The following ZNF106 variants were observed in gnomAD, a reference collection of about 807,000 sequenced individuals.
ZNF106 encodes zinc finger protein 106.
Under a neutral mutation model 195.1 loss-of-function variants are expected in ZNF106, and 67 were observed. The observed-to-expected ratio is 0.34, with a 90% confidence interval of 0.28 to 0.42. ZNF106 has a LOEUF of 0.42. Ranked by LOEUF, ZNF106 falls within the 10% of genes least tolerant of loss-of-function variation. The probability of loss-of-function intolerance (pLI) is 1.00; values close to 1 mark genes in which losing one functional copy is unlikely to be tolerated. For missense variants in ZNF106, 2,118 were observed against 2,304.5 expected, an observed-to-expected ratio of 0.92 and a Z score of 1.66; for synonymous variants, 784 against 818.6, an observed-to-expected ratio of 0.96 and a Z score of 0.72.
chr15:42,465,485 C>T, intron 3 of ZNF106, among the ~76,000 whole-genome samples: 1 of 151,970 alleles, frequency 6.6e-6, no homozygotes, highest in East Asian at 1.9e-4. Context: ...CTACGTTGCC[C>T]AGGCTGGTCT....
chr15:42,482,886 A>G (rs1595500202), intron 1 of ZNF106, among the ~76,000 whole-genome samples: 2 of 152,126 alleles, frequency 1.3e-5, no homozygotes, highest in East Asian at 3.9e-4. Context: ...CCACATATGC[A>G]TAATTCAGCA....
chr15:42,464,649 G>A (rs2056472829), intron 3 of ZNF106, among the ~76,000 whole-genome samples: 1 of 150,722 alleles, frequency 6.6e-6, no homozygotes, highest in South Asian at 2.1e-4. Flanking sequence ...ACCTCAGGCT[G>A]ATGAGTAGCT....
At chr15:42,453,545 A>G (rs1487385118) in intron 4 of ZNF106, among the ~76,000 whole-genome samples, 1 of 152,144 alleles carries the variant, frequency 6.6e-6, no homozygotes, top group Non-Finnish European at 1.5e-5. Flanking sequence ...ATTTAATGCT[A>G]AGCACCTTAT....
intron 10 of ZNF106, among the ~76,000 whole-genome samples, chr15:42,441,142 C>A (rs1478643719): frequency 7.4e-6 from 1 of 135,694 alleles, no homozygotes; most frequent in African/African-American, 2.7e-5. Context: ...CAAGACCAGC[C>A]TGGGCAACAT....
intron 10 of ZNF106, 93 bp downstream of exon 10, chr15:42,441,980 G>GT (rs753867155): frequency 4.1e-6 from 4 of 985,806 alleles, no homozygotes; most frequent in Non-Finnish European, 6.0e-6. Context: ...GCTCATTTTA[G>GT]TTTTAATGAG....
chr15:42,447,454 CTT>C (rs1298465114), intron 6 of ZNF106, among the ~76,000 whole-genome samples: 1 of 152,130 alleles, frequency 6.6e-6, no homozygotes, highest in Non-Finnish European at 1.5e-5. Context: ...ACCAGCAACT[CTT>C]TCTTTTCAGA....
At chr15:42,479,837 G>A (rs1481515809) in intron 1 of ZNF106, among the ~76,000 whole-genome samples, 7 of 152,002 alleles carry the variant, frequency 4.6e-5, no homozygotes, top group Admixed American at 6.6e-5. Context: ...GCAAAACTCC[G>A]TCTCAATAAA....
rs1045924605 is a variant in ZNF106, at chr15:42,432,386, C to G, written c.4881+2998G>C. Among the ~76,000 whole-genome samples, 5 of 151,700 alleles carry G rather than the reference C, an allele frequency of 3.3e-5. No individual in the cohort carries two copies. In the East Asian group the frequency reaches 9.7e-4, roughly 30 times the overall value. On this transcript the variant is annotated intron_variant, in intron 14 of 21. Coordinates refer to ENST00000564754, the MANE Select transcript of ZNF106 (RefSeq NM_001366845.3). ...GTTACCGAGGCTGGTCTGGAACTTA[C>G]AGTCTCAAGTGATCCTCCCACCTCA... is the stretch of plus-strand genomic sequence containing the variant.
At chr15:42,423,157 C>A (rs1484974933) in intron 17 of ZNF106, among the ~76,000 whole-genome samples, 1 of 151,872 alleles carries the variant, frequency 6.6e-6, no homozygotes, top group Non-Finnish European at 1.5e-5. Context: ...TACTTGAGCT[C>A]AGGAGTTCAA....
At chr15:42,480,846 G>A (rs907664625) in intron 1 of ZNF106, among the ~76,000 whole-genome samples, 4 of 152,024 alleles carry the variant, frequency 2.6e-5, no homozygotes, top group African/African-American at 9.7e-5. Context: ...TTAGCTGGGC[G>A]TGGTGGCAGG....
At chr15:42,482,522 G>T (rs1459110131) in intron 1 of ZNF106, among the ~76,000 whole-genome samples, 26 of 82,532 alleles carry the variant, frequency 3.2e-4, no homozygotes, top group East Asian at 5.9e-4. Flanking sequence ...GAAATCTCCA[G>T]TTTTTTTTTT....
intron 7 of ZNF106, among the ~76,000 whole-genome samples, chr15:42,445,295 C>T (rs540812053): frequency 2.0e-4 from 31 of 152,286 alleles, no homozygotes; most frequent in Admixed American, 1.5e-3. Context: ...TTCTAGGACT[C>T]GTTTCCCATT....
At chr15:42,452,484 T>C (rs1419477415) in intron 4 of ZNF106, among the ~76,000 whole-genome samples, 2 of 151,738 alleles carry the variant, frequency 1.3e-5, no homozygotes, top group Non-Finnish European at 2.9e-5. Context: ...GATTATGCCA[T>C]TACACTCCAG....
intron 4 of ZNF106, among the ~76,000 whole-genome samples, chr15:42,455,064 T>C (rs147787415): frequency 1.1e-3 from 174 of 152,248 alleles, no homozygotes; most frequent in African/African-American, 3.9e-3. Context: ...AAGAACAAAA[T>C]AGAAGTCTCC....
chr15:42,436,497 C>G (rs189931922), intron 13 of ZNF106, among the ~76,000 whole-genome samples: 1 of 152,270 alleles, frequency 6.6e-6, no homozygotes, highest in East Asian at 1.9e-4. Flanking sequence ...CCTGGTCCAT[C>G]ATCTAACTTT....
rs1193363577 is a variant in ZNF106, at chr15:42,414,732, C to T, written c.*2572G>A. On this transcript the variant is annotated 3_prime_UTR_variant, in exon 22 of 22. Coordinates refer to ENST00000564754, the MANE Select transcript of ZNF106 (RefSeq NM_001366845.3). ...CAGGCAGGGCAGAAGGGCACTACGC[C>T]GCAGAGCATTCGAGGCTCTCAGCAC... is the stretch of plus-strand genomic sequence containing the variant. 3 of 152,240 alleles carry T rather than the reference C, an allele frequency of 2.0e-5. No individual in the cohort carries two copies. Among genetic ancestry groups the T allele is most frequent in the African/African-American group, 7.2e-5 (3 of 41,456 alleles). The allele number at this position is 152,240 out of a possible 1,614,324, so 9.4% of individuals were successfully genotyped here.
chr15:42,451,182 C>A lies in ZNF106; in HGVS notation c.1090G>T (p.Ala364Ser). The change falls in exon 5 of 22, where the codon GCG becomes TCG. Residue 364 changes from alanine (A) to serine (S), a missense_variant. Coordinates refer to ENST00000564754, the MANE Select transcript of ZNF106 (RefSeq NM_001366845.3). ...TSKVSGKNGS[A>S]AREKPRRWTP... ...CAGCGACGAGGCTTTTCCCTTGCCG[C>A]ACTGCCATTCTTTCCACTAACTTTG... The A allele has an allele frequency of 1.2e-6, 2 of 1,614,112 alleles. No homozygotes were observed. Among genetic ancestry groups the A allele is most frequent in the Non-Finnish European group, 1.7e-6 (2 of 1,180,010 alleles).
chr15:42,444,799 T>G, intron 8 of ZNF106, 28 bp downstream of exon 8: 1 of 1,610,660 alleles, frequency 6.2e-7, no homozygotes, highest in East Asian at 2.2e-5. Context: ...GATGATCCAT[T>G]TTTATTAAAT....
At chr15:42,479,490 A>G (rs779708735) in intron 1 of ZNF106, among the ~76,000 whole-genome samples, 3 of 152,210 alleles carry the variant, frequency 2.0e-5, no homozygotes, top group Non-Finnish European at 4.4e-5. Context: ...CACTTGGGGA[A>G]AAAAAGTATA....
Sources: allele counts gnomAD v4.1 joint callset (sites outside exome capture counted in the v4.1 genomes callset), GRCh38; gene constraint gnomAD v4.1.1; transcripts MANE v1.5; gene names NCBI Gene and HGNC (gene_info 2026-07-23, HGNC 2026-07-21).